The following CARD6 variants were observed in gnomAD, a reference collection of about 807,000 sequenced individuals.
CARD6 encodes caspase recruitment domain-containing protein 6.
A neutral mutation model predicts 23.6 loss-of-function variants in CARD6; 27 were observed. The observed-to-expected ratio is 1.14, with a 90% CI of 0.84 to 1.58. The LOEUF is 1.58. Ranked by LOEUF, CARD6 falls within the 40% of genes most tolerant of loss-of-function variation. The pLI, the probability that CARD6 is intolerant of heterozygous loss-of-function variation, is 0.00. For missense variants in CARD6, 1,214 were observed against 1,209.9 expected, an observed-to-expected ratio of 1.00 and a Z score of -0.05; for synonymous variants, 397 against 431.8, an observed-to-expected ratio of 0.92 and a Z score of 1.00.
Position 40,854,344 on chromosome 5 carries a change from T to A in CARD6, c.3012T>A (p.Pro1004=), listed in dbSNP as rs1561217797. The A allele has an allele frequency of 6.2e-7, 1 of 1,614,080 alleles. No individual in the cohort carries two copies. The highest frequency in any genetic ancestry group is 1.3e-5 in the African/African-American group (1 of 75,012). Reference sequence around the variant, plus strand: ...AGCCCTGGCCTCCCCAGTCTAAGCCTTCTCAGCCCAGACCCCCTCAACCTA... The same window carrying A: ...AGCCCTGGCCTCCCCAGTCTAAGCCATCTCAGCCCAGACCCCCTCAACCTA... The part of the protein sequence containing the change: ...PSQPWPPQSK[P]SQPRPPQPKS... Residue 1004 remains proline, a synonymous_variant, in exon 3 of 3, where the codon CCT becomes CCA. Coordinates refer to ENST00000254691, the MANE Select transcript of CARD6 (RefSeq NM_032587.4).
rs1746155675 is a variant in CARD6, at chr5:40,854,508, A to C, written c.*62A>C. 7.5e-7 allele frequency: 1 copy of C among 1,335,792 alleles called. No individual in the cohort carries two copies. The highest frequency in any genetic ancestry group is 1.5e-5 in the African/African-American group (1 of 68,286). 82.7% of individuals were successfully genotyped at this position (1,335,792 alleles called of 1,614,324 possible). On this transcript the variant is annotated 3_prime_UTR_variant, in exon 3 of 3. Transcript: ENST00000254691. Reference sequence around the variant, plus strand: ...ACCCAGGCCATTCCTATCATATAGTAAGCAGAAGAGTTGCCATGAAAGTAA... The same window carrying C: ...ACCCAGGCCATTCCTATCATATAGTCAGCAGAAGAGTTGCCATGAAAGTAA...
Position 40,854,790 on chromosome 5 carries a change from A to G in CARD6, c.*344A>G, listed in dbSNP as rs1378782146. Reference sequence around the variant, plus strand: ...TTTTTAGTAGAGGCAGGGTTTCTCCATGTTGGTCAGGCTGGTCTTGAACTC... The same window carrying G: ...TTTTTAGTAGAGGCAGGGTTTCTCCGTGTTGGTCAGGCTGGTCTTGAACTC... On this transcript the variant is annotated 3_prime_UTR_variant, in exon 3 of 3. Coordinates refer to ENST00000254691, the MANE Select transcript of CARD6 (RefSeq NM_032587.4). The G allele has an allele frequency of 8.4e-6, 2 of 237,248 alleles. No homozygotes were observed. Among genetic ancestry groups the G allele is most frequent in the East Asian group, 1.0e-4 (1 of 10,004 alleles). 14.7% of individuals were successfully genotyped at this position (237,248 alleles called of 1,614,324 possible). A position where few individuals can be genotyped will look rare whatever the true frequency, so the allele number is the denominator to read the frequency against.
At chr5:40,849,094 T>A (rs1746014317) in intron 2 of CARD6, among the ~76,000 whole-genome samples, 2 of 152,086 alleles carry the variant, frequency 1.3e-5, no homozygotes, top group Non-Finnish European at 2.9e-5. Flanking sequence ...CCTCCTGGGT[T>A]CAAGTGATTC....
At chr5:40,849,087 C>T (rs989195852) in intron 2 of CARD6, among the ~76,000 whole-genome samples, 21 of 152,076 alleles carry the variant, frequency 1.4e-4, no homozygotes, top group African/African-American at 4.6e-4. Flanking sequence ...ACCTCCACCT[C>T]CTGGGTTCAA....
Position 40,853,591 on chromosome 5 carries a change from G to A in CARD6, c.2259G>A (p.Met753Ile). The stretch of plus-strand genomic sequence containing the variant: ...TTTCCTTGAAAGCCTCCTGGGTTAT[G>A]GGCCGCCCCTTTGGGTCAGAGCAGA... ...NHVSLKASWVMGRPFGSEQRP... is the reference protein window; with the variant it reads ...NHVSLKASWVIGRPFGSEQRP... Residue 753 changes from methionine to isoleucine, a missense_variant, in exon 3 of 3, where the codon ATG (methionine) becomes ATA (isoleucine). Coordinates refer to ENST00000254691, the MANE Select transcript of CARD6 (RefSeq NM_032587.4). The A allele has an allele frequency of 1.9e-6, 3 of 1,614,218 alleles. No homozygotes were observed. In the South Asian group the frequency reaches 3.3e-5, roughly 18 times the overall value.
In CARD6 at chr5:40,841,670, G is replaced by A; in HGVS notation, c.283+5G>A. ...CCATTTGCGGCTTAAGGCATGGTAA[G>A]TTGACTTTGTATACTTTTTGGGGTG... On this transcript the variant is annotated splice_donor_5th_base_variant and intron_variant, in intron 1 of 2. Coordinates refer to ENST00000254691, the MANE Select transcript of CARD6 (RefSeq NM_032587.4). 6.2e-7 allele frequency: 1 copy of A among 1,608,748 alleles called. No individual in the cohort carries two copies. Among genetic ancestry groups the A allele is most frequent in the Non-Finnish European group, 8.5e-7 (1 of 1,177,034 alleles).
chr5:40,842,855 T>C (rs1429489980), intron 1 of CARD6, among the ~76,000 whole-genome samples: 2 of 152,126 alleles, frequency 1.3e-5, no homozygotes, highest in African/African-American at 4.8e-5. Flanking sequence ...CTGACCAACA[T>C]AGTGAAACAC....
At chr5:40,850,133 G>A (rs1182157290) in intron 2 of CARD6, among the ~76,000 whole-genome samples, 2 of 152,028 alleles carry the variant, frequency 1.3e-5, no homozygotes, top group African/African-American at 2.4e-5. Context: ...AACCAGTATC[G>A]GCCAGGTGCG....
intron 2 of CARD6, among the ~76,000 whole-genome samples, chr5:40,847,856 T>G (rs1161852747): frequency 6.6e-6 from 1 of 152,014 alleles, no homozygotes; most frequent in Non-Finnish European, 1.5e-5. Context: ...ACAAAAACTT[T>G]TAATCAAATT....
chr5:40,841,591 C>T lies in CARD6; in HGVS notation c.209C>T (p.Ala70Val), dbSNP rs761910035. 8.1e-6 allele frequency: 13 copies of T among 1,613,808 alleles called. No homozygotes were observed. The highest frequency in any genetic ancestry group is 6.7e-5 in the African/African-American group (5 of 74,852). ...ATTTTGGTACAGAAAAAGGGAGAGG[C>T]GACCTGTCAGCATTTTCTCAAGTGT... ...LLILVQKKGE[A>V]TCQHFLKCLF... Residue 70 changes from alanine to valine, a missense_variant, in exon 1 of 3, where the codon GCG becomes GTG. Physicochemically the swap from Ala to Val is moderately conservative, Grantham distance 64. Transcript: ENST00000254691.
intron 2 of CARD6, 102 bp downstream of exon 2, chr5:40,843,811 G>A: frequency 1.4e-6 from 1 of 734,180 alleles, no homozygotes; most frequent in Non-Finnish European, 2.1e-6. Flanking sequence ...ACAGATGTCA[G>A]CAGAAAATCA....
rs3812030 is a variant in CARD6 at position 40,852,516 on chromosome 5, T to C, written c.1184T>C (p.Met395Thr). The change falls in exon 3 of 3, where the codon ATG (methionine) becomes ACG (threonine). Residue 395 changes from methionine (M) to threonine (T), a missense_variant. By Grantham distance (81) the Met-to-Thr change is moderately conservative. Transcript: ENST00000254691. ...GATAGCTCTTTGCAACGCCAAGTCA[T>C]GTCAAACATGTATCAGTGCCAGTTT... ...CSDSSLQRQV[M>T]SNMYQCQFAL... 6.2e-7 allele frequency: 1 copy of C among 1,614,230 alleles called. No individual in the cohort carries two copies. The highest frequency in any genetic ancestry group is 1.7e-5 in the Admixed American group (1 of 60,012).
rs773839095 is a variant in CARD6 at position 40,853,292 on chromosome 5, G to A, written c.1960G>A (p.Gly654Arg). The A allele has an allele frequency of 8.1e-6, 13 of 1,614,052 alleles. No homozygotes were observed. Among genetic ancestry groups the A allele is most frequent in the Middle Eastern group, 1.6e-4 (1 of 6,084 alleles). The change falls in exon 3 of 3, where the codon GGG becomes AGG. Residue 654 changes from glycine (G) to arginine (R), a missense_variant. By Grantham distance (125) the Gly-to-Arg change is moderately radical (BLOSUM62 -2). Coordinates refer to ENST00000254691, the MANE Select transcript of CARD6 (RefSeq NM_032587.4). The stretch of plus-strand genomic sequence containing the variant: ...TATGGCCGCCCTGGCCAGGGAGCTG[G>A]GGATTCAGGTAGATGAAGACTTTGA... ...EDMAALAREL[G>R]IQVDEDFENT... is the part of the protein sequence containing the mutation.
Position 40,852,955 on chromosome 5 carries a change from T to A in CARD6, c.1623T>A (p.Thr541=). ...GTGGAAATCTAGAAAGCTTTTGGAC[T>A]CAGTTTGGTTTTTTGATGGAAGTTT... ...NLRGNLESFW[T]QFGFLMEVSS... Residue 541 remains threonine, a synonymous_variant, in exon 3 of 3, where the codon ACT becomes ACA. Coordinates refer to ENST00000254691, the MANE Select transcript of CARD6 (RefSeq NM_032587.4). 6.2e-7 allele frequency: 1 copy of A among 1,614,224 alleles called. No homozygotes were observed. Among genetic ancestry groups the A allele is most frequent in the Non-Finnish European group, 8.5e-7 (1 of 1,180,032 alleles).
intron 2 of CARD6, among the ~76,000 whole-genome samples, chr5:40,846,016 C>CTT (rs773153473): frequency 1.9e-4 from 27 of 140,096 alleles, no homozygotes; most frequent in African/African-American, 4.4e-4. Context: ...GCAGTATATT[C>CTT]TTTTTTTTTT....
At position 40,854,678 on chromosome 5, in the gene CARD6, C is replaced by T. The variant is rs113723820; in HGVS notation, c.*232C>T. On this transcript the variant is annotated 3_prime_UTR_variant, in exon 3 of 3. Coordinates refer to ENST00000254691, the MANE Select transcript of CARD6 (RefSeq NM_032587.4). ...CGATCTCGGCTCACCGCAACCTCTG[C>T]TTCCTGGCTTAAAGTGATTCTCCTG... 4.3e-6 allele frequency: 2 copies of T among 467,604 alleles called. No homozygotes were observed. The highest frequency in any genetic ancestry group is 7.7e-6 in the Non-Finnish European group (2 of 259,794). The allele number at this position is 467,604 out of a possible 1,614,324, so 29.0% of individuals were successfully genotyped here.
rs765505830 is a variant in CARD6 at position 40,854,355 on chromosome 5, G to C, written c.3023G>C (p.Arg1008Thr). ...WPPQSKPSQP[R>T]PPQPKSSSTN... ...CCCCAGTCTAAGCCTTCTCAGCCCA[G>C]ACCCCCTCAACCTAAGTCATCCTCA... The change falls in exon 3 of 3, where the codon AGA becomes ACA. Residue 1008 changes from arginine (R) to threonine (T), a missense_variant. Transcript: ENST00000254691. 1 of 1,613,946 alleles carries C rather than the reference G, an allele frequency of 6.2e-7. No individual in the cohort carries two copies. Among genetic ancestry groups the C allele is most frequent in the Non-Finnish European group, 8.5e-7 (1 of 1,180,006 alleles).
intron 2 of CARD6, among the ~76,000 whole-genome samples, chr5:40,849,508 T>A (rs1746021047): frequency 6.6e-6 from 1 of 152,202 alleles, no homozygotes; most frequent in Non-Finnish European, 1.5e-5. Flanking sequence ...ACTCAAGGGC[T>A]TCTTATAGTT....
At chr5:40,846,513 C>A (rs898844859) in intron 2 of CARD6, among the ~76,000 whole-genome samples, 19 of 152,114 alleles carry the variant, frequency 1.2e-4, no homozygotes, top group African/African-American at 4.6e-4. Flanking sequence ...ACAAAAATTT[C>A]TTGTCTCACA....
Sources: gnomAD v4.1 joint callset for allele counts (sites outside exome capture counted in the v4.1 genomes callset) on GRCh38, gnomAD v4.1.1 for gene constraint, MANE v1.5 for transcripts, NCBI Gene and HGNC (gene_info 2026-07-23, HGNC 2026-07-21) for gene names.